AFG3L2: variants seen among roughly 807,000 people sequenced by gnomAD.
AFG3L2 encodes the protein mitochondrial inner membrane m-AAA protease component AFG3L2.
In AFG3L2, 54 loss-of-function variants were observed where a neutral mutation model predicts 94.5. The ratio of observed to expected loss-of-function variants is 0.57; its 90% CI spans 0.46 to 0.72. The LOEUF (loss-of-function observed/expected upper bound fraction) is 0.72, where lower values mean the gene tolerates loss of function less well. Among genes scored for constraint, AFG3L2 ranks in the 30% least tolerant of loss-of-function variants. The probability of loss-of-function intolerance (pLI) is 0.00; values close to 1 mark genes in which losing one functional copy is unlikely to be tolerated. For missense variants in AFG3L2, 754 were observed against 994.9 expected (o/e 0.76, Z 3.26); for synonymous variants, 377 against 365.5 (o/e 1.03, Z -0.36).
intron 12 of AFG3L2, among the ~76,000 whole-genome samples, chr18:12,348,587 C>G (rs1269728537): frequency 6.6e-6 from 1 of 152,206 alleles, no homozygotes; most frequent in Non-Finnish European, 1.5e-5. Flanking sequence ...TTCTGGCCCT[C>G]TGAACTAAGA....
chr18:12,339,994 T>C (rs1401309638), intron 15 of AFG3L2, among the ~76,000 whole-genome samples: 2 of 152,208 alleles, frequency 1.3e-5, no homozygotes, highest in Non-Finnish European at 2.9e-5. Flanking sequence ...CACTCCAGCC[T>C]GGGCAACAGA....
intron 2 of AFG3L2, 96 bp downstream of exon 2, chr18:12,371,496 T>C (rs766943444): frequency 5.8e-5 from 54 of 926,312 alleles, no homozygotes; most frequent in Non-Finnish European, 9.1e-5. Flanking sequence ...ATCGCTGTAA[T>C]CAGACATAAG....
intron 5 of AFG3L2, among the ~76,000 whole-genome samples, chr18:12,365,014 G>C (rs940167595): frequency 2.0e-5 from 3 of 152,272 alleles, no homozygotes; most frequent in Non-Finnish European, 4.4e-5. Context: ...ACATCCCAAG[G>C]ACTGTAACTG....
At chr18:12,338,974 G>A (rs1320757820) in intron 15 of AFG3L2, among the ~76,000 whole-genome samples, 1 of 152,128 alleles carries the variant, frequency 6.6e-6, no homozygotes, top group Non-Finnish European at 1.5e-5. Context: ...GTTTCTCGGG[G>A]CCGGGCACGG....
chr18:12,356,422 A>G (rs971465495), intron 9 of AFG3L2, among the ~76,000 whole-genome samples: 9 of 152,136 alleles, frequency 5.9e-5, no homozygotes, highest in African/African-American at 2.2e-4. Flanking sequence ...AAAGTGCTGG[A>G]ATTACAGGCA....
At chr18:12,329,845 A>T (rs1907461543) in intron 16 of AFG3L2, 62 bp from the exon 17 acceptor site, 2 of 1,440,416 alleles carry the variant, frequency 1.4e-6, no homozygotes, top group African/African-American at 1.4e-5. Context: ...AGAAATATTA[A>T]TTTTTTATTT....
intron 14 of AFG3L2, chr18:12,341,220 GC>G (rs901809696): frequency 1.2e-4 from 18 of 152,178 alleles, no homozygotes; most frequent in Non-Finnish European, 2.9e-5. Context: ...ATGCTCGGCA[GC>G]CTTTCCTTTC....
At chr18:12,347,816 T>C (rs1908193335) in intron 13 of AFG3L2, among the ~76,000 whole-genome samples, 1 of 152,204 alleles carries the variant, frequency 6.6e-6, no homozygotes, top group South Asian at 2.1e-4. Flanking sequence ...CCCAAAGTGC[T>C]GGGATTACAG....
chr18:12,361,240 C>T (rs1030561975), intron 6 of AFG3L2, among the ~76,000 whole-genome samples: 6 of 151,808 alleles, frequency 4.0e-5, no homozygotes, highest in African/African-American at 1.5e-4. Flanking sequence ...CATGGTGGCA[C>T]CCACCTATAG....
intron 13 of AFG3L2, among the ~76,000 whole-genome samples, chr18:12,345,145 C>T (rs928215414): frequency 7.2e-5 from 11 of 152,224 alleles, no homozygotes; most frequent in Admixed American, 2.0e-4. Flanking sequence ...CCTAACCAGC[C>T]GGCCCTATGG....
At position 12,340,248 on chromosome 18, in the gene AFG3L2, C is replaced by G; in HGVS notation, c.1933G>C (p.Gly645Arg). The G allele has an allele frequency of 6.2e-7, 1 of 1,614,104 alleles. No homozygotes were observed. The change falls in exon 15 of 17, where the codon GGT becomes CGT. Residue 645 changes from glycine (G) to arginine (R), a missense_variant. Gly to Arg is a moderately radical substitution (Grantham distance 125, BLOSUM62 -2). This residue lies in a region of AFG3L2 where 279 missense variants were observed against 378.6 expected (regional missense o/e 0.74). Transcript: ENST00000269143. Reference sequence around the variant, plus strand: ...ACTTTTCTCAAGTCATCTTGAGCACCAGTTGTAATTCTTCCAAAGAAGATT... The same window carrying G: ...ACTTTTCTCAAGTCATCTTGAGCACGAGTTGTAATTCTTCCAAAGAAGATT... ...EEIFFGRITT[G>R]AQDDLRKVTQ...
At chr18:12,346,033 G>A (rs1404586371) in intron 13 of AFG3L2, among the ~76,000 whole-genome samples, 3 of 152,020 alleles carry the variant, frequency 2.0e-5, no homozygotes, top group Non-Finnish European at 4.4e-5. Flanking sequence ...ACCCTAACAC[G>A]CTCACTGCCA....
rs9964653 is a variant in AFG3L2 at position 12,368,532 on chromosome 18, T to C, written c.293-1150A>G. Among the ~76,000 whole-genome samples, 681 of 152,312 alleles carry C rather than the reference T, an allele frequency of 4.5e-3. 9 individuals carry two copies. The highest frequency in any genetic ancestry group is 0.016 in the African/African-American group (657 of 41,562). On this transcript the variant is annotated intron_variant, in intron 3 of 16. Transcript: ENST00000269143. Reference sequence around the variant, plus strand: ...CATCTTTGCTTTGTAGGGAAATGTATGTAAGGAAAACTGTAAATCAGTCCT... The same window carrying C: ...CATCTTTGCTTTGTAGGGAAATGTACGTAAGGAAAACTGTAAATCAGTCCT...
At chr18:12,345,865 A>AC (rs1908117261) in intron 13 of AFG3L2, among the ~76,000 whole-genome samples, 1 of 152,208 alleles carries the variant, frequency 6.6e-6, no homozygotes, top group Admixed American at 6.5e-5. Flanking sequence ...TAACAAATTT[A>AC]TAGAATAAAA....
chr18:12,347,849 G>A (rs2066465135), intron 13 of AFG3L2, among the ~76,000 whole-genome samples: 1 of 152,142 alleles, frequency 6.6e-6, no homozygotes, highest in South Asian at 2.1e-4. Context: ...GCACCCGGCT[G>A]TTACAGATAT....
At chr18:12,331,270 A>G (rs1208951542) in intron 16 of AFG3L2, among the ~76,000 whole-genome samples, 2 of 152,166 alleles carry the variant, frequency 1.3e-5, no homozygotes, top group African/African-American at 2.4e-5. Context: ...TGATGCCTGC[A>G]CGACGACAAA....
chr18:12,360,020 T>C lies in AFG3L2; in HGVS notation c.659A>G (p.Asp220Gly). The C allele has an allele frequency of 6.2e-7, 1 of 1,614,116 alleles. No homozygotes were observed. Among genetic ancestry groups the C allele is most frequent in the Non-Finnish European group, 8.5e-7 (1 of 1,179,990 alleles). Residue 220 changes from aspartate to glycine, a missense_variant, in exon 7 of 17, where the codon GAC (aspartate) becomes GGC (glycine). Asp to Gly is a moderately conservative substitution (Grantham distance 94). Transcript: ENST00000269143. ...AGTTTCCAGATTCCGTTCAAAGGTG[T>C]CCACACTGCCAATATTAAACCAAAC... Reference protein sequence around the residue: ...QYVWFNIGSVDTFERNLETLQ... With the variant: ...QYVWFNIGSVGTFERNLETLQ...
At chr18:12,366,163 A>G (rs1908801024) in intron 5 of AFG3L2, among the ~76,000 whole-genome samples, 1 of 152,140 alleles carries the variant, frequency 6.6e-6, no homozygotes, top group Admixed American at 6.5e-5. Context: ...GGCGTGACCC[A>G]CTACGCCCGG....
chr18:12,346,809 G>A (rs974460004), intron 13 of AFG3L2, among the ~76,000 whole-genome samples: 34 of 151,072 alleles, frequency 2.3e-4, no homozygotes, highest in African/African-American at 7.6e-4. Flanking sequence ...GAGGCTGAGG[G>A]AGGAGAATTG....
Sources: gnomAD v4.1 joint callset for allele counts (sites outside exome capture counted in the v4.1 genomes callset) on GRCh38, gnomAD v4.1.1 for gene constraint, gnomAD v4.1.1 regional missense constraint, MANE v1.5 for transcripts, NCBI Gene and HGNC (gene_info 2026-07-23, HGNC 2026-07-21) for gene names.